Variants in FHL2 observed in about 807,000 individuals in gnomAD.
FHL2 encodes the protein four and a half LIM domains protein 2.
In FHL2, 20 loss-of-function variants were observed where a neutral mutation model predicts 32.7. The observed-to-expected ratio is 0.61, with a 90% CI of 0.43 to 0.89. FHL2 has a LOEUF of 0.89. Ranked by LOEUF, FHL2 falls within the 40% of genes least tolerant of loss-of-function variation. The probability of loss-of-function intolerance (pLI) is 0.00; values close to 1 mark genes in which losing one functional copy is unlikely to be tolerated. For missense variants in FHL2, 311 were observed against 358.6 expected (o/e 0.87, Z 1.07); for synonymous variants, 123 against 128.1 (o/e 0.96, Z 0.27).
chr2:105,433,347 AT>A (rs1684493866), intron 1 of FHL2, among the ~76,000 whole-genome samples: 1 of 151,774 alleles, frequency 6.6e-6, no homozygotes, highest in Admixed American at 6.6e-5. Context: ...TGCCCAGCTA[AT>A]TTTGGTATTT....
rs763970465 is a variant in FHL2, at chr2:105,362,443, CAG to C, written c.688+840_688+841del. Among the ~76,000 whole-genome samples the C allele has an allele frequency of 1.6e-4, 24 of 152,160 alleles. 1 individual carries two copies. Among genetic ancestry groups the C allele is most frequent in the Non-Finnish European group, 2.4e-4 (16 of 68,028 alleles). ...GAAAGGAAAGTCAAGGACAAGTACA[CAG>C]GGGGTGTATAGATGTGTTTCTGTAG... is the stretch of plus-strand genomic sequence containing the variant. On this transcript the variant is annotated intron_variant, in intron 6 of 6. Coordinates refer to ENST00000530340, the MANE Select transcript of FHL2 (RefSeq NM_001318895.3).
At chr2:105,428,070 T>C (rs1300199073) in intron 1 of FHL2, among the ~76,000 whole-genome samples, 9 of 152,216 alleles carry the variant, frequency 5.9e-5, no homozygotes, top group Non-Finnish European at 4.4e-5. Context: ...AGCAACTGGG[T>C]ACCAGGTAAG....
rs55868128 is a variant in FHL2, at chr2:105,397,888, G to GTTTT, written c.-76+950_-76+953dup. On this transcript the variant is annotated intron_variant, in intron 1 of 6. Coordinates refer to ENST00000530340, the MANE Select transcript of FHL2 (RefSeq NM_001318895.3). ...AATGGTTTTTGTTTTTTTGTTTTTT[G>GTTTT]TTTTTTTTTGTCTAAAACATCTTCA... Among the ~76,000 whole-genome samples the GTTTT allele has an allele frequency of 2.0e-3, 283 of 138,558 alleles. 2 individuals carry two copies. Among genetic ancestry groups the GTTTT allele is most frequent in the South Asian group, 9.4e-3 (43 of 4,568 alleles). The allele number at this position is 138,558 out of a possible 152,430, so 90.9% of individuals were successfully genotyped here.
rs1449955940 is a variant in FHL2 at position 105,371,340 on chromosome 2, G to T, written c.331+2219C>A. On this transcript the variant is annotated intron_variant, in intron 4 of 6. Transcript: ENST00000530340. ...ATCGGTAGTGGGCCTTAGGGGCAAA[G>T]ACTAAGGTTTCCCTAAGGGCAACTA... Among the ~76,000 whole-genome samples, 6 of 152,184 alleles carry T rather than the reference G, an allele frequency of 3.9e-5. No individual in the cohort carries two copies. The East Asian group carries it at 1.2e-3, about 29-fold the overall frequency.
chr2:105,436,667 G>A (rs1022560140), intron 1 of FHL2, among the ~76,000 whole-genome samples: 4 of 151,484 alleles, frequency 2.6e-5, no homozygotes, highest in East Asian at 1.9e-4. Flanking sequence ...TAAAAAAAAC[G>A]AATATTAAGT....
intron 1 of FHL2, among the ~76,000 whole-genome samples, chr2:105,398,620 G>A (rs779355489): frequency 5.3e-5 from 8 of 152,340 alleles, no homozygotes; most frequent in Admixed American, 1.3e-4. Context: ...CTGGGGATGA[G>A]TCGGTGGGCT....
intron 1 of FHL2, among the ~76,000 whole-genome samples, chr2:105,397,583 C>T (rs1421767640): frequency 1.3e-5 from 2 of 152,172 alleles, no homozygotes; most frequent in African/African-American, 2.4e-5. Context: ...TGAGACAGAA[C>T]CTATGTGCCC....
At chr2:105,415,706 C>A (rs1683912287) in intron 1 of FHL2, among the ~76,000 whole-genome samples, 1 of 152,102 alleles carries the variant, frequency 6.6e-6, no homozygotes, top group South Asian at 2.1e-4. Flanking sequence ...TAAAATAGAA[C>A]CAACAATAAA....
chr2:105,390,996 T>C (rs954072148), intron 2 of FHL2, among the ~76,000 whole-genome samples: 1 of 151,492 alleles, frequency 6.6e-6, no homozygotes, highest in Non-Finnish European at 1.5e-5. Flanking sequence ...TGTGTGTATG[T>C]GTATTTTTTT....
intron 2 of FHL2, among the ~76,000 whole-genome samples, chr2:105,387,170 G>A (rs893682200): frequency 2.0e-5 from 3 of 152,164 alleles, no homozygotes; most frequent in Admixed American, 2.0e-4. Context: ...CATCCTGTCC[G>A]GCTGTGACCC....
intron 4 of FHL2, among the ~76,000 whole-genome samples, chr2:105,368,138 A>C (rs1680768620): frequency 6.6e-6 from 1 of 152,176 alleles, no homozygotes; most frequent in Admixed American, 6.6e-5. Context: ...CCTATTGCAC[A>C]CCTGATAATG....
At position 105,389,152 on chromosome 2, in the gene FHL2, C is replaced by T. The variant is rs145169586; in HGVS notation, c.-24-2612G>A. On this transcript the variant is annotated intron_variant, in intron 2 of 6. Transcript: ENST00000530340. ...GCAGCTGGACACATGCGGCAAGATC[C>T]GTCCTTCTAAATCACTCTTCCTGGA... Among the ~76,000 whole-genome samples the T allele has an allele frequency of 3.5e-3, 538 of 152,326 alleles. 2 individuals carry two copies. Among genetic ancestry groups the T allele is most frequent in the African/African-American group, 0.012 (508 of 41,570 alleles).
intron 3 of FHL2, chr2:105,378,985 A>G (rs1029959932): frequency 1.2e-4 from 19 of 152,162 alleles, no homozygotes; most frequent in African/African-American, 4.6e-4. Context: ...ATGAGGTCCC[A>G]CAGTCCACAT....
At chr2:105,415,124 A>C (rs1411461620) in intron 1 of FHL2, among the ~76,000 whole-genome samples, 1 of 152,210 alleles carries the variant, frequency 6.6e-6, no homozygotes, top group Non-Finnish European at 1.5e-5. Context: ...AAATGTTTAT[A>C]GGTAGGGGCA....
At chr2:105,370,576 G>T (rs930338916) in intron 4 of FHL2, among the ~76,000 whole-genome samples, 1 of 152,110 alleles carries the variant, frequency 6.6e-6, no homozygotes, top group Non-Finnish European at 1.5e-5. Context: ...TGACTTGTGT[G>T]GGGGGTGTGG....
chr2:105,396,256 G>A (rs527948954), intron 2 of FHL2, among the ~76,000 whole-genome samples: 15 of 152,274 alleles, frequency 9.9e-5, no homozygotes, highest in African/African-American at 3.1e-4. Context: ...CAGGAGAGCC[G>A]ATGGTGCAAA....
intron 1 of FHL2, among the ~76,000 whole-genome samples, chr2:105,412,258 G>A (rs1378655573): frequency 6.6e-6 from 1 of 152,204 alleles, no homozygotes; most frequent in Non-Finnish European, 1.5e-5. Flanking sequence ...ACTTAAAAAG[G>A]AAGGACATTC....
chr2:105,404,903 A>G lies in FHL2; in HGVS notation c.-24-18363T>C, dbSNP rs76234136. ...TCAAAACATGCCTGACTTTTAGCCAAATCCACAAACAACTCCATGATTCCG... is the reference window on the plus strand; with the variant it reads ...TCAAAACATGCCTGACTTTTAGCCAGATCCACAAACAACTCCATGATTCCG... On this transcript the variant is annotated intron_variant, in intron 1 of 5. Transcript: ENST00000393352. 8.2e-3 allele frequency among the ~76,000 whole-genome samples: 1,252 copies of G among 152,350 alleles called. 14 individuals carry two copies. The highest frequency in any genetic ancestry group is 0.029 in the African/African-American group (1,191 of 41,580).
Position 105,363,325 on chromosome 2 carries a change from C to A in FHL2, c.648G>T (p.Leu216Phe). 1 of 1,614,198 alleles carries A rather than the reference C, an allele frequency of 6.2e-7. No individual in the cohort carries two copies. Among genetic ancestry groups the A allele is most frequent in the Non-Finnish European group, 8.5e-7 (1 of 1,180,032 alleles). Residue 216 changes from leucine (L) to phenylalanine (F), a missense_variant, in exon 6 of 7, where the codon TTG (leucine) becomes TTT (phenylalanine). Coordinates refer to ENST00000530340, the MANE Select transcript of FHL2 (RefSeq NM_001318895.3). ...FAYCLNCFCD[L>F]YAKKCAGCTN... is the part of the protein sequence containing the mutation. Reference sequence around the variant, plus strand: ...TGCACCCAGCACACTTCTTGGCATACAAGTCACAGAAGCAGTTCAGGCAGT... The same window carrying A: ...TGCACCCAGCACACTTCTTGGCATAAAAGTCACAGAAGCAGTTCAGGCAGT...
Sources: allele counts gnomAD v4.1 joint callset (sites outside exome capture counted in the v4.1 genomes callset), GRCh38; gene constraint gnomAD v4.1.1; transcripts MANE v1.5; gene names NCBI Gene and HGNC (gene_info 2026-07-23, HGNC 2026-07-21).